Variants in CYTH3 observed in about 807,000 individuals in gnomAD.
CYTH3 encodes the protein cytohesin-3.
In CYTH3, 23 loss-of-function variants were observed where a neutral mutation model predicts 55.1. That is an observed-to-expected ratio of 0.42 (90% CI 0.30 to 0.59). The LOEUF is 0.59. Among genes scored for constraint, CYTH3 ranks in the 20% least tolerant of loss-of-function variants. The pLI, the probability that CYTH3 is intolerant of heterozygous loss-of-function variation, is 0.20. For synonymous variants in CYTH3, 249 were observed against 194.9 expected (o/e 1.28, Z -2.31); for missense variants, 413 against 524.8 (o/e 0.79, Z 2.08).
intron 1 of CYTH3, among the ~76,000 whole-genome samples, chr7:6,211,334 G>GTTCTATGC (rs1317108338): frequency 6.6e-6 from 1 of 152,274 alleles, no homozygotes; most frequent in Non-Finnish European, 1.5e-5. Context: ...TACCCAGAGT[G>GTTCTATGC]TTTTGGAAGC....
chr7:6,184,587 A>C (rs947454641), intron 4 of CYTH3, among the ~76,000 whole-genome samples: 1 of 151,752 alleles, frequency 6.6e-6, no homozygotes, highest in Non-Finnish European at 1.5e-5. Context: ...TTATTTATTT[A>C]CTTATTTTGA....
At chr7:6,252,125 TTTGA>T (rs1779987537) in intron 1 of CYTH3, among the ~76,000 whole-genome samples, 1 of 152,194 alleles carries the variant, frequency 6.6e-6, no homozygotes, top group Non-Finnish European at 1.5e-5. Context: ...TGGAATGTAG[TTTGA>T]TTGAACTACT....
chr7:6,208,527 C>A (rs1784249871), intron 1 of CYTH3, among the ~76,000 whole-genome samples: 1 of 149,332 alleles, frequency 6.7e-6, no homozygotes, highest in South Asian at 2.1e-4. Context: ...TCCAATCATT[C>A]ATTCTAGCTC....
chr7:6,183,586 C>T (rs1783558771), intron 4 of CYTH3, among the ~76,000 whole-genome samples: 1 of 152,164 alleles, frequency 6.6e-6, no homozygotes, highest in Non-Finnish European at 1.5e-5. Context: ...AAACACCATC[C>T]TAGCTGGAAG....
At chr7:6,228,091 G>C (rs1381514620) in intron 1 of CYTH3, among the ~76,000 whole-genome samples, 2 of 152,182 alleles carry the variant, frequency 1.3e-5, no homozygotes, top group African/African-American at 4.8e-5. Flanking sequence ...TCTTATTTAA[G>C]TATTTAACTC....
chr7:6,225,971 C>A (rs1479767632), intron 1 of CYTH3, among the ~76,000 whole-genome samples: 1 of 152,116 alleles, frequency 6.6e-6, no homozygotes, highest in Non-Finnish European at 1.5e-5. Flanking sequence ...CAGGTGTGAG[C>A]CACCACACAC....
intron 1 of CYTH3, among the ~76,000 whole-genome samples, chr7:6,191,961 C>T (rs894577324): frequency 2.0e-5 from 3 of 151,526 alleles, no homozygotes; most frequent in South Asian, 2.1e-4. Context: ...TGCCTGTGGG[C>T]CCAGTCACTT....
chr7:6,180,695 G>GT (rs1336094478), intron 4 of CYTH3, among the ~76,000 whole-genome samples: 1 of 152,250 alleles, frequency 6.6e-6, no homozygotes, highest in Non-Finnish European at 1.5e-5. Context: ...ATAAAAGAAA[G>GT]TGAGTGTTCT....
intron 4 of CYTH3, among the ~76,000 whole-genome samples, chr7:6,179,682 A>C (rs1583749157): frequency 5.7e-5 from 4 of 70,072 alleles, no homozygotes; most frequent in African/African-American, 1.6e-4. Context: ...CACACCACAC[A>C]CACCCCCCCA....
intron 1 of CYTH3, among the ~76,000 whole-genome samples, chr7:6,227,053 C>T (rs1426175564): frequency 6.7e-6 from 1 of 148,404 alleles, no homozygotes; most frequent in East Asian, 2.0e-4. Flanking sequence ...GCACTCCAGC[C>T]TGGGCAACAG....
rs186071987 is a variant in CYTH3, at chr7:6,236,812, C to T, written c.34+35662G>A. Among the ~76,000 whole-genome samples, 19 of 152,334 alleles carry T rather than the reference C, an allele frequency of 1.2e-4. 1 individual carries two copies. The highest frequency in any genetic ancestry group is 3.1e-4 in the African/African-American group (13 of 41,572). ...TCCTGACCTCAAGTGATCCACCCGC[C>T]TCAGTCTCCCAAAGTGCTGCGATTA... On this transcript the variant is annotated intron_variant, in intron 1 of 12. Coordinates refer to ENST00000350796, the MANE Select transcript of CYTH3 (RefSeq NM_004227.4).
rs144939819 is a variant in CYTH3 at position 6,268,917 on chromosome 7, T to C, written c.34+3557A>G. 8.5e-5 allele frequency among the ~76,000 whole-genome samples: 13 copies of C among 152,320 alleles called. No individual in the cohort carries two copies. The East Asian group carries it at 2.1e-3, about 25-fold the overall frequency. Reference sequence around the variant, plus strand: ...ACAAAGATTATCAAGAGCAAGCTGCTGTTACCACTTCTCAAATAGAGGGTA... The same window carrying C: ...ACAAAGATTATCAAGAGCAAGCTGCCGTTACCACTTCTCAAATAGAGGGTA... On this transcript the variant is annotated intron_variant, in intron 1 of 12. Coordinates refer to ENST00000350796, the MANE Select transcript of CYTH3 (RefSeq NM_004227.4).
intron 1 of CYTH3, among the ~76,000 whole-genome samples, chr7:6,207,863 T>C (rs939917198): frequency 2.0e-5 from 3 of 148,752 alleles, no homozygotes; most frequent in African/African-American, 7.5e-5. Context: ...GGTGGGAGGA[T>C]GGCTTAAACC....
chr7:6,203,011 C>T (rs1056264291), intron 1 of CYTH3, among the ~76,000 whole-genome samples: 13 of 151,898 alleles, frequency 8.6e-5, no homozygotes, highest in Admixed American at 7.9e-4. Flanking sequence ...GTTGGTACCG[C>T]TATAAGAAAA....
chr7:6,208,147 G>C (rs1220997487), intron 1 of CYTH3, among the ~76,000 whole-genome samples: 1 of 152,148 alleles, frequency 6.6e-6, no homozygotes, highest in African/African-American at 2.4e-5. Context: ...GGATAAGGTA[G>C]GTAAGAATTT....
chr7:6,208,061 C>T (rs1250369594), intron 1 of CYTH3, among the ~76,000 whole-genome samples: 1 of 152,124 alleles, frequency 6.6e-6, no homozygotes, highest in African/African-American at 2.4e-5. Flanking sequence ...ACTCCTTCTA[C>T]CTTAGGTATA....
Position 6,170,173 on chromosome 7 carries a change from C to A in CYTH3, c.823+362G>T. On this transcript the variant is annotated intron_variant, in intron 9 of 12. Coordinates refer to ENST00000350796, the MANE Select transcript of CYTH3 (RefSeq NM_004227.4). The surrounding 1 kb of genome is among the most constrained non-coding windows in gnomAD (Gnocchi z 7.8). ...ACAACAAGAAGGCACATTTAAACCA[C>A]GCGTCAAAAATCACAGCCACACCAA... The A allele has an allele frequency of 4.4e-6, 1 of 228,782 alleles. No homozygotes were observed. Among genetic ancestry groups the A allele is most frequent in the Non-Finnish European group, 8.6e-6 (1 of 116,492 alleles). The allele number at this position is 228,782 out of a possible 1,614,324, so 14.2% of individuals were successfully genotyped here.
At chr7:6,190,372 GAGGCTAC>G in intron 2 of CYTH3, 70 bp downstream of exon 2, 1 of 777,980 alleles carries the variant, frequency 1.3e-6, no homozygotes, top group Non-Finnish European at 1.8e-6. Flanking sequence ...ACATTTTTGT[GAGGCTAC>G]TCTTTTACTA....
At chr7:6,207,979 A>G (rs2128548522) in intron 1 of CYTH3, among the ~76,000 whole-genome samples, 1 of 152,250 alleles carries the variant, frequency 6.6e-6, no homozygotes. Flanking sequence ...TGTTAGAAGC[A>G]GATAAAAAAA....
Sources: allele counts gnomAD v4.1 joint callset (sites outside exome capture counted in the v4.1 genomes callset), GRCh38; gene constraint gnomAD v4.1.1; non-coding constraint Gnocchi (gnomAD v3.1); transcripts MANE v1.5; gene names NCBI Gene and HGNC (gene_info 2026-07-23, HGNC 2026-07-21).